LRRFIP2: variants seen among roughly 807,000 people sequenced by gnomAD.
The protein encoded by LRRFIP2 is LRR binding FLII interacting protein 2.
Under a neutral mutation model 125.9 loss-of-function variants are expected in LRRFIP2, and 109 were observed. That is an observed-to-expected ratio of 0.87 (90% CI 0.74 to 1.01). The LOEUF (loss-of-function observed/expected upper bound fraction) is 1.01, where lower values mean the gene tolerates loss of function less well. Ranked by LOEUF, LRRFIP2 falls within the 50% of genes least tolerant of loss-of-function variation. LRRFIP2 has a pLI of 0.00. For synonymous variants in LRRFIP2, 291 were observed against 293.1 expected (o/e 0.99, Z 0.07); for missense variants, 850 against 862.3 (o/e 0.99, Z 0.18).
In LRRFIP2 at chr3:37,102,361, T is replaced by C. The variant is rs377458605; in HGVS notation, c.873+563A>G. ...AACAAAATTGGCAAAATATTGATAA[T>C]TGTTGCAGATGCTGATGGGTTCTAT... is the stretch of plus-strand genomic sequence containing the variant. On this transcript the variant is annotated intron_variant, in intron 15 of 27. Transcript: ENST00000336686. Among the ~76,000 whole-genome samples the C allele has an allele frequency of 7.2e-5, 11 of 152,194 alleles. 1 individual carries two copies. In the East Asian group the frequency reaches 1.5e-3, roughly 21 times the overall value.
intron 21 of LRRFIP2, among the ~76,000 whole-genome samples, chr3:37,070,378 T>A (rs2090964274): frequency 6.6e-6 from 1 of 151,480 alleles, no homozygotes; most frequent in Non-Finnish European, 1.5e-5. Context: ...CCTCCCAAAG[T>A]GCTGGGATTA....
chr3:37,141,231 A>G (rs1278466480), intron 2 of LRRFIP2, among the ~76,000 whole-genome samples: 1 of 152,244 alleles, frequency 6.6e-6, no homozygotes, highest in Non-Finnish European at 1.5e-5. Context: ...GGGTGGCTAA[A>G]GCAATTATAC....
At chr3:37,127,560 A>T in intron 4 of LRRFIP2, 70 bp downstream of exon 4, 3 of 1,481,320 alleles carry the variant, frequency 2.0e-6, no homozygotes, top group Non-Finnish European at 2.8e-6. Context: ...CTATTAGTTA[A>T]TGTTTTACTT....
At chr3:37,139,617 G>GAGGT (rs534305340) in intron 2 of LRRFIP2, among the ~76,000 whole-genome samples, 199 of 152,084 alleles carry the variant, frequency 1.3e-3, no homozygotes, top group African/African-American at 4.5e-3. Context: ...CTCTTCTGTT[G>GAGGT]TTGAAAGTCA....
Position 37,075,105 on chromosome 3 carries a change from CCTTT to C in LRRFIP2, c.1286_1289del (p.Glu429GlyfsTer37). Reference sequence around the variant, plus strand: ...GCAGCACACTACACATATGTTTCTGCCTTTCTAACTCCTGTTATTAAACAAATAA... The same window carrying C: ...GCAGCACACTACACATATGTTTCTGCCTAACTCCTGTTATTAAACAAATAA... On this transcript the variant is annotated frameshift_variant, in exon 20 of 28. Transcript: ENST00000336686. LOFTEE classifies it high-confidence loss of function. 1 of 1,610,106 alleles carries C rather than the reference CCTTT, an allele frequency of 6.2e-7. No individual in the cohort carries two copies. The highest frequency in any genetic ancestry group is 8.5e-7 in the Non-Finnish European group (1 of 1,178,554).
chr3:37,166,066 G>GGT (rs1278571692), intron 1 of LRRFIP2, among the ~76,000 whole-genome samples: 22 of 152,266 alleles, frequency 1.4e-4, no homozygotes, highest in Middle Eastern at 3.4e-3. Flanking sequence ...GGCAGGGCGC[G>GGT]GTGGCTCACA....
intron 1 of LRRFIP2, among the ~76,000 whole-genome samples, chr3:37,155,331 T>C (rs573255670): frequency 6.6e-6 from 1 of 152,366 alleles, no homozygotes; most frequent in East Asian, 1.9e-4. Flanking sequence ...GCAATCCTTT[T>C]CATACTTTTA....
intron 6 of LRRFIP2, among the ~76,000 whole-genome samples, chr3:37,117,957 G>T (rs1269356993): frequency 6.6e-6 from 1 of 152,090 alleles, no homozygotes; most frequent in Non-Finnish European, 1.5e-5. Context: ...AAAATTGTAA[G>T]TATATTTTAA....
intron 2 of LRRFIP2, among the ~76,000 whole-genome samples, chr3:37,148,006 A>T (rs962251169): frequency 2.0e-5 from 3 of 152,212 alleles, no homozygotes; most frequent in Non-Finnish European, 2.9e-5. Flanking sequence ...CAATGTTTCA[A>T]AAAATAAAAC....
intron 7 of LRRFIP2, among the ~76,000 whole-genome samples, chr3:37,113,278 T>TCACAC (rs1182761447): frequency 6.6e-6 from 1 of 152,144 alleles, no homozygotes; most frequent in East Asian, 1.9e-4. Flanking sequence ...GTGGAGACCT[T>TCACAC]CACACCACAC....
intron 2 of LRRFIP2, among the ~76,000 whole-genome samples, chr3:37,141,276 A>C (rs577299513): frequency 1.8e-4 from 27 of 152,358 alleles, no homozygotes; most frequent in South Asian, 1.0e-3. Flanking sequence ...TTACCCTTTA[A>C]TGGCTCCCCA....
intron 25 of LRRFIP2, among the ~76,000 whole-genome samples, chr3:37,055,588 T>C (rs2086609036): frequency 1.3e-5 from 2 of 151,968 alleles, no homozygotes; most frequent in South Asian, 4.2e-4. Flanking sequence ...AATTACAAAA[T>C]ACAAATGCAC....
chr3:37,140,981 C>T (rs1212406891), intron 2 of LRRFIP2, among the ~76,000 whole-genome samples: 1 of 152,026 alleles, frequency 6.6e-6, no homozygotes. Flanking sequence ...ACAACAGCTT[C>T]GTGACCAGCC....
intron 21 of LRRFIP2, among the ~76,000 whole-genome samples, chr3:37,070,992 CTCTTA>C (rs1365857359): frequency 3.3e-5 from 5 of 152,012 alleles, no homozygotes; most frequent in Admixed American, 6.6e-5. Context: ...GTTTTTTCAC[CTCTTA>C]TATTTCCCAA....
At chr3:37,124,804 TG>T (rs980408434) in intron 4 of LRRFIP2, among the ~76,000 whole-genome samples, 1 of 152,224 alleles carries the variant, frequency 6.6e-6, no homozygotes, top group Non-Finnish European at 1.5e-5. Context: ...CTTCCTTCTC[TG>T]GAAGAACAAA....
chr3:37,135,696 A>C (rs2149789594), intron 2 of LRRFIP2, among the ~76,000 whole-genome samples: 1 of 152,350 alleles, frequency 6.6e-6, no homozygotes, highest in East Asian at 1.9e-4. Context: ...AAAGATGCTC[A>C]ACATCATTAG....
intron 1 of LRRFIP2, among the ~76,000 whole-genome samples, chr3:37,157,467 T>G (rs2096232109): frequency 6.6e-6 from 1 of 150,968 alleles, no homozygotes; most frequent in South Asian, 2.1e-4. Flanking sequence ...AAATAAAGAT[T>G]ATGGGCAGGC....
At chr3:37,104,043 T>A (rs577096282) in intron 14 of LRRFIP2, among the ~76,000 whole-genome samples, 1 of 152,074 alleles carries the variant, frequency 6.6e-6, no homozygotes. Flanking sequence ...CAGAAGCCCA[T>A]CCACAGAGAT....
chr3:37,135,224 T>A, intron 2 of LRRFIP2: 1 of 667,810 alleles, frequency 1.5e-6, no homozygotes, highest in South Asian at 1.8e-5. Context: ...ACTTTGGGAG[T>A]CCAAGGCGGG....
Sources: gnomAD v4.1 joint callset for allele counts (sites outside exome capture counted in the v4.1 genomes callset) on GRCh38, gnomAD v4.1.1 for gene constraint, MANE v1.5 for transcripts, NCBI Gene and HGNC (gene_info 2026-07-23, HGNC 2026-07-21) for gene names.